The following MORN5 variants were observed in gnomAD, a reference collection of about 807,000 sequenced individuals.
MORN5 encodes the protein MORN repeat containing 5.
Under a neutral mutation model 22.1 loss-of-function variants are expected in MORN5, and 21 were observed. The observed-to-expected ratio is 0.95, with a 90% CI of 0.67 to 1.37. The LOEUF (loss-of-function observed/expected upper bound fraction) is 1.37. Ranked by LOEUF, MORN5 falls within the 40% of genes most tolerant of loss-of-function variation. The probability of loss-of-function intolerance (pLI) is 0.00; values close to 1 mark genes in which losing one functional copy is unlikely to be tolerated. For synonymous variants in MORN5, 73 were observed against 74.0 expected, an observed-to-expected ratio of 0.99 and a Z score of 0.07; for missense variants, 211 against 215.1, an observed-to-expected ratio of 0.98 and a Z score of 0.12.
chr9:122,163,635 T>C (rs926759016), intron 1 of MORN5, among the ~76,000 whole-genome samples: 4 of 152,074 alleles, frequency 2.6e-5, no homozygotes, highest in African/African-American at 9.7e-5. Context: ...GGCAGTTCAG[T>C]TTGGCAGGAG....
chr9:122,174,678 T>C (rs1486908492), intron 4 of MORN5, 51 bp downstream of exon 4: 9 of 1,612,864 alleles, frequency 5.6e-6, no homozygotes, highest in Non-Finnish European at 6.8e-6. Flanking sequence ...CACATATGAG[T>C]ATGTGCATCT....
At chr9:122,199,271 C>A (rs1463728953) in intron 4 of MORN5, among the ~76,000 whole-genome samples, 2 of 152,186 alleles carry the variant, frequency 1.3e-5, no homozygotes, top group African/African-American at 4.8e-5. Flanking sequence ...TCTGTTTGTT[C>A]ATCTGTAAAA....
chr9:122,160,011 A>C lies in MORN5; in HGVS notation c.39A>C (p.Val13=). Residue 13 remains valine (V), a synonymous_variant, in exon 1 of 5, where the codon GTA becomes GTC. Coordinates refer to ENST00000373764, the MANE Select transcript of MORN5 (RefSeq NM_198469.4). ...YTGSKYIGEY[V]DGRMEGKAKY... The stretch of plus-strand genomic sequence containing the variant: ...GGAGCAAATATATCGGGGAATATGT[A>C]GATGGGAGGTAAGGGGCTCATTTGA... 5 of 1,613,756 alleles carry C rather than the reference A, an allele frequency of 3.1e-6. No individual in the cohort carries two copies. Among genetic ancestry groups the C allele is most frequent in the Non-Finnish European group, 4.2e-6 (5 of 1,179,870 alleles).
At chr9:122,162,139 T>G (rs1829209268) in intron 1 of MORN5, among the ~76,000 whole-genome samples, 1 of 152,332 alleles carries the variant, frequency 6.6e-6, no homozygotes, top group Admixed American at 6.5e-5. Context: ...TACACTTAAT[T>G]AACCATCCAT....
chr9:122,166,523 T>C lies in MORN5; in HGVS notation c.48-245T>C, dbSNP rs1829285283. Among the ~76,000 whole-genome samples, 3 of 152,148 alleles carry C rather than the reference T, an allele frequency of 2.0e-5. No individual in the cohort carries two copies. In the South Asian group the frequency reaches 6.2e-4, roughly 32 times the overall value. On this transcript the variant is annotated intron_variant, in intron 1 of 4. Transcript: ENST00000373764. ...TAGGGGGGTTTATTTCAGGGAGCAG[T>C]GTGAACTCCAAGGTGAGAGTGAGCC...
chr9:122,160,023 A>T lies in MORN5; in HGVS notation c.47+4A>T. The T allele has an allele frequency of 6.2e-7, 1 of 1,612,922 alleles. No homozygotes were observed. Among genetic ancestry groups the T allele is most frequent in the Non-Finnish European group, 8.5e-7 (1 of 1,179,526 alleles). On this transcript the variant is annotated splice_donor_region_variant and intron_variant, in intron 1 of 4. Coordinates refer to ENST00000373764, the MANE Select transcript of MORN5 (RefSeq NM_198469.4). ...TCGGGGAATATGTAGATGGGAGGTA[A>T]GGGGCTCATTTGATTCACTTACTAT... is the stretch of plus-strand genomic sequence containing the variant.
At chr9:122,186,704 C>T (rs2039198) in intron 4 of MORN5, among the ~76,000 whole-genome samples, 104,241 of 152,026 alleles carry the variant, frequency 0.69, 36,178 homozygotes, top group Admixed American at 0.75. Context: ...GACTCCCCCA[C>T]GGCAGCCTCC....
chr9:122,187,983 G>A (rs1001833411), intron 4 of MORN5, among the ~76,000 whole-genome samples: 1 of 152,194 alleles, frequency 6.6e-6, no homozygotes, highest in Non-Finnish European at 1.5e-5. Flanking sequence ...AGAGATGCAG[G>A]GGTACAGGGT....
chr9:122,160,230 GCTAT>G (rs1829171085), intron 1 of MORN5, among the ~76,000 whole-genome samples: 1 of 152,176 alleles, frequency 6.6e-6, no homozygotes, highest in African/African-American at 2.4e-5. Flanking sequence ...GTGTGTGTGT[GCTAT>G]CTGCCAGTTT....
At chr9:122,176,859 T>C (rs1356824474) in intron 4 of MORN5, among the ~76,000 whole-genome samples, 1 of 152,164 alleles carries the variant, frequency 6.6e-6, no homozygotes, top group African/African-American at 2.4e-5. Context: ...GCCCGGGTGA[T>C]AGTGTGATTC....
chr9:122,182,731 ACAGAGCAAG>A (rs1207178991), intron 4 of MORN5, among the ~76,000 whole-genome samples: 1 of 152,238 alleles, frequency 6.6e-6, no homozygotes, highest in Admixed American at 6.5e-5. Context: ...AGCCTGGATG[ACAGAGCAAG>A]ACTCAGTCTC....
intron 4 of MORN5, among the ~76,000 whole-genome samples, chr9:122,187,590 TG>T (rs1185793376): frequency 6.6e-6 from 1 of 152,180 alleles, no homozygotes; most frequent in African/African-American, 2.4e-5. Context: ...GGGTGTTCTC[TG>T]GATAGAGGCC....
chr9:122,188,886 G>T (rs951499900), intron 4 of MORN5, among the ~76,000 whole-genome samples: 1 of 152,116 alleles, frequency 6.6e-6, no homozygotes, highest in Non-Finnish European at 1.5e-5. Flanking sequence ...TTGCTACAGA[G>T]GATGATTCTA....
rs765080258 is a variant in MORN5 at position 122,159,992 on chromosome 9, A to G, written c.20A>G (p.Lys7Arg). The G allele has an allele frequency of 6.2e-7, 1 of 1,614,068 alleles. No individual in the cohort carries two copies. The highest frequency in any genetic ancestry group is 1.1e-5 in the South Asian group (1 of 91,082). ...GGCGCCATGGAGTACACAGGGAGCA[A>G]ATATATCGGGGAATATGTAGATGGG... MEYTGS[K>R]YIGEYVDGRM... is the part of the protein sequence containing the mutation. Residue 7 changes from lysine (K) to arginine (R), a missense_variant, in exon 1 of 5, where the codon AAA (lysine) becomes AGA (arginine). By Grantham distance (26) the Lys-to-Arg change is conservative. Coordinates refer to ENST00000373764, the MANE Select transcript of MORN5 (RefSeq NM_198469.4).
chr9:122,173,705 A>G (rs994789695), intron 3 of MORN5, among the ~76,000 whole-genome samples: 2 of 152,180 alleles, frequency 1.3e-5, no homozygotes, highest in African/African-American at 2.4e-5. Flanking sequence ...GGTGCACTCA[A>G]TCTTCTTTCT....
chr9:122,164,630 A>G, intron 1 of MORN5: 1 of 985,554 alleles, frequency 1.0e-6, no homozygotes, highest in Non-Finnish European at 1.2e-6. Flanking sequence ...AGGTCTGAAC[A>G]GTGATGTCCA....
chr9:122,168,826 A>G (rs926106498), intron 2 of MORN5, among the ~76,000 whole-genome samples: 2 of 152,186 alleles, frequency 1.3e-5, no homozygotes, highest in Non-Finnish European at 2.9e-5. Flanking sequence ...ATAGAGATGT[A>G]TGGAAAGAGA....
At chr9:122,164,224 A>T (rs2118737216) in intron 1 of MORN5, among the ~76,000 whole-genome samples, 1 of 152,022 alleles carries the variant, frequency 6.6e-6, no homozygotes, top group East Asian at 1.9e-4. Flanking sequence ...GGAAAGAGAG[A>T]GAGAGAGTGA....
chr9:122,169,856 G>A, intron 3 of MORN5, 100 bp downstream of exon 3: 1 of 863,312 alleles, frequency 1.2e-6, no homozygotes, highest in East Asian at 2.4e-5. Flanking sequence ...ACTTAAAGGG[G>A]AAGAGGAACT....
Sources: allele counts gnomAD v4.1 joint callset (sites outside exome capture counted in the v4.1 genomes callset), GRCh38; gene constraint gnomAD v4.1.1; transcripts MANE v1.5; gene names NCBI Gene and HGNC (gene_info 2026-07-23, HGNC 2026-07-21).